PRIM2: variants seen among roughly 807,000 people sequenced by gnomAD.
PRIM2 encodes the protein DNA primase subunit 2.
A neutral mutation model predicts 67.3 loss-of-function variants in PRIM2; 39 were observed. That is an observed-to-expected ratio of 0.58 (90% confidence interval 0.45 to 0.76). The LOEUF (loss-of-function observed/expected upper bound fraction) is 0.76. PRIM2 is among the 30% of genes least tolerant of loss of function. The pLI is 0.00. For missense variants in PRIM2, 398 were observed against 598.7 expected (o/e 0.66, Z 3.50); for synonymous variants, 143 against 198.7 (o/e 0.72, Z 2.36).
chr6:57,329,856 T>C (rs1767995324), intron 5 of PRIM2, among the ~76,000 whole-genome samples: 1 of 152,248 alleles, frequency 6.6e-6, no homozygotes, highest in Non-Finnish European at 1.5e-5. Context: ...TCCATTGATC[T>C]GTCTGCTTAT....
chr6:57,421,223 G>T (rs1364837773), intron 7 of PRIM2, among the ~76,000 whole-genome samples: 2 of 152,110 alleles, frequency 1.3e-5, no homozygotes, highest in African/African-American at 4.8e-5. Context: ...GTGAATAAAG[G>T]ACTAAAGTAA....
the PRIM2 span, among the ~76,000 whole-genome samples, chr6:57,291,672 G>A: frequency 6.6e-6 from 1 of 152,102 alleles, no homozygotes; most frequent in South Asian, 2.1e-4. Flanking sequence ...TTCATCCCTG[G>A]GATGCAAGGC....
intron 12 of PRIM2, among the ~76,000 whole-genome samples, chr6:57,614,527 T>C (rs1776720032): frequency 6.6e-6 from 1 of 152,272 alleles, no homozygotes; most frequent in South Asian, 2.1e-4. Context: ...TCATTTCTTA[T>C]TGGCACCTCA....
intron 7 of PRIM2, among the ~76,000 whole-genome samples, chr6:57,427,961 A>G (rs1256596483): frequency 5.9e-5 from 9 of 152,158 alleles, no homozygotes; most frequent in Non-Finnish European, 1.2e-4. Context: ...ATTAATTTAA[A>G]TTTGCATGGA....
chr6:57,455,571 G>T (rs956306529), intron 7 of PRIM2, among the ~76,000 whole-genome samples: 2 of 152,184 alleles, frequency 1.3e-5, no homozygotes, highest in South Asian at 2.1e-4. Flanking sequence ...GATCTTTGTT[G>T]GTTTAAAGTC....
At chr6:57,635,854 C>T (rs1479940797) in intron 13 of PRIM2, among the ~76,000 whole-genome samples, 1 of 152,218 alleles carries the variant, frequency 6.6e-6, no homozygotes, top group African/African-American at 2.4e-5. Context: ...TTCTCCTCCA[C>T]ACAGCTGCTG....
intron 8 of PRIM2, among the ~76,000 whole-genome samples, chr6:57,531,912 G>A (rs1207651774): frequency 2.0e-5 from 3 of 152,074 alleles, no homozygotes; most frequent in East Asian, 1.9e-4. Flanking sequence ...CTTTATGTCA[G>A]GCTCTTTAAC....
chr6:57,341,021 T>C (rs887205614), intron 5 of PRIM2, among the ~76,000 whole-genome samples: 3 of 152,196 alleles, frequency 2.0e-5, no homozygotes, highest in African/African-American at 7.2e-5. Flanking sequence ...TGTTTCACTT[T>C]GCTAATCATT....
intron 5 of PRIM2, among the ~76,000 whole-genome samples, chr6:57,362,439 C>A (rs1769233224): frequency 6.6e-6 from 1 of 152,114 alleles, no homozygotes; most frequent in African/African-American, 2.4e-5. Context: ...AAGCAAGTTT[C>A]TCCCTTTCCT....
the PRIM2 span, among the ~76,000 whole-genome samples, chr6:57,247,042 G>T: frequency 3.3e-5 from 5 of 152,060 alleles, no homozygotes; most frequent in African/African-American, 1.2e-4. Flanking sequence ...TTTTAGTAGA[G>T]ACGGGGTTTC....
chr6:57,374,642 C>G (rs1308645467), intron 5 of PRIM2, among the ~76,000 whole-genome samples: 17 of 143,402 alleles, frequency 1.2e-4, no homozygotes, highest in Admixed American at 1.4e-4. Flanking sequence ...CCAGGCTGGA[C>G]TGCAGTGGCG....
the PRIM2 span, among the ~76,000 whole-genome samples, chr6:57,270,782 A>G: frequency 7.9e-5 from 12 of 152,228 alleles, no homozygotes; most frequent in African/African-American, 2.4e-4. Flanking sequence ...GATAGCTCTT[A>G]TTATTTTGAG....
intron 5 of PRIM2, among the ~76,000 whole-genome samples, chr6:57,367,847 G>T (rs1769414302): frequency 6.6e-6 from 1 of 152,178 alleles, no homozygotes; most frequent in African/African-American, 2.4e-5. Context: ...CAAAAAATAG[G>T]CCTGGGCCTG....
intron 8 of PRIM2, among the ~76,000 whole-genome samples, chr6:57,513,495 C>T (rs1489096167): frequency 6.6e-6 from 1 of 151,754 alleles, no homozygotes; most frequent in Non-Finnish European, 1.5e-5. Context: ...GAGAATTTTT[C>T]CCCCTTAAAA....
intron 10 of PRIM2, among the ~76,000 whole-genome samples, chr6:57,570,335 C>A (rs1410633017): frequency 6.6e-6 from 1 of 152,184 alleles, no homozygotes; most frequent in Non-Finnish European, 1.5e-5. Context: ...TTGCCAGTAT[C>A]ATAGAGCAGG....
intron 2 of PRIM2, 134 bp from the exon 3 acceptor site, chr6:57,320,323 G>A (rs1057232593): frequency 1.3e-4 from 74 of 578,314 alleles, no homozygotes; most frequent in African/African-American, 9.9e-4. Flanking sequence ...ATATGATGTC[G>A]TTACAGGAAA....
chr6:57,576,119 A>G, intron 10 of PRIM2, among the ~76,000 whole-genome samples: 1 of 152,146 alleles, frequency 6.6e-6, no homozygotes, highest in East Asian at 1.9e-4. Flanking sequence ...GTTTTTCCCA[A>G]CTGTTGTTGG....
intron 8 of PRIM2, among the ~76,000 whole-genome samples, chr6:57,513,981 CA>C (rs1437175672): frequency 1.3e-5 from 2 of 152,108 alleles, no homozygotes; most frequent in African/African-American, 2.4e-5. Context: ...AAAGATAAAG[CA>C]AGCTAAAACA....
At chr6:57,527,838 C>T (rs1407866366) in intron 8 of PRIM2, among the ~76,000 whole-genome samples, 4 of 152,208 alleles carry the variant, frequency 2.6e-5, no homozygotes, top group Admixed American at 2.6e-4. Flanking sequence ...GGAGAGATGT[C>T]ATTCCTAATT....
Sources: allele counts gnomAD v4.1 joint callset (sites outside exome capture counted in the v4.1 genomes callset), GRCh38; gene constraint gnomAD v4.1.1; transcripts MANE v1.5; gene names NCBI Gene and HGNC (gene_info 2026-07-23, HGNC 2026-07-21).